PPARGC1A: variants seen among roughly 807,000 people sequenced by gnomAD.
PPARGC1A encodes the protein PPARG coactivator 1 alpha.
In PPARGC1A, 25 loss-of-function variants were observed where a neutral mutation model predicts 88.7. That is an observed-to-expected ratio of 0.28 (90% CI 0.21 to 0.39). The LOEUF is 0.39. Ranked by LOEUF, PPARGC1A falls within the 10% of genes least tolerant of loss-of-function variation. The pLI is 1.00. For missense variants in PPARGC1A, 880 were observed against 968.7 expected (o/e 0.91, Z 1.22); for synonymous variants, 363 against 355.6 (o/e 1.02, Z -0.24).
At chr4:24,087,146 A>C in the PPARGC1A span, among the ~76,000 whole-genome samples, 4 of 152,186 alleles carry the variant, frequency 2.6e-5, no homozygotes, top group Admixed American at 1.3e-4. Flanking sequence ...AGTCCAGGGG[A>C]AAAAAGGTAG....
the PPARGC1A span, among the ~76,000 whole-genome samples, chr4:24,091,039 T>C: frequency 6.6e-6 from 1 of 152,204 alleles, no homozygotes; most frequent in Admixed American, 6.5e-5. Flanking sequence ...GGTCACCTCA[T>C]TAAAAATAGG....
chr4:24,072,912 A>G, the PPARGC1A span, among the ~76,000 whole-genome samples: 4 of 152,234 alleles, frequency 2.6e-5, no homozygotes, highest in Non-Finnish European at 5.9e-5. Flanking sequence ...TTAGTTGGTA[A>G]TACAATTACT....
chr4:23,815,228 A>G (rs544477161), intron 7 of PPARGC1A, among the ~76,000 whole-genome samples: 10 of 152,224 alleles, frequency 6.6e-5, no homozygotes, highest in East Asian at 3.9e-4. Context: ...AGCCGAATGC[A>G]GGGACCTAGA....
chr4:24,195,223 C>T, the PPARGC1A span, among the ~76,000 whole-genome samples: 1 of 152,132 alleles, frequency 6.6e-6, no homozygotes, highest in African/African-American at 2.4e-5. Context: ...CTCTCTAAGG[C>T]TTAGCTTTCT....
the PPARGC1A span, among the ~76,000 whole-genome samples, chr4:23,958,691 A>G: frequency 2.0e-5 from 3 of 152,080 alleles, no homozygotes; most frequent in Non-Finnish European, 4.4e-5. Context: ...ATCTAATGTA[A>G]AATATTTATA....
At chr4:24,446,203 T>C in the PPARGC1A span, among the ~76,000 whole-genome samples, 308 of 152,378 alleles carry the variant, frequency 2.0e-3, 4 homozygotes, top group East Asian at 0.037. Context: ...GAAGGACGGT[T>C]GAATTTCCCC....
At chr4:23,941,883 C>G in the PPARGC1A span, among the ~76,000 whole-genome samples, 2 of 152,148 alleles carry the variant, frequency 1.3e-5, no homozygotes, top group East Asian at 3.8e-4. Flanking sequence ...CATTCCTTTT[C>G]CTGCTTACCT....
the PPARGC1A span, among the ~76,000 whole-genome samples, chr4:24,045,952 T>C: frequency 6.6e-6 from 1 of 152,176 alleles, no homozygotes; most frequent in African/African-American, 2.4e-5. Flanking sequence ...TTGTTTCTGG[T>C]GATGATGGCC....
the PPARGC1A span, among the ~76,000 whole-genome samples, chr4:24,018,683 A>G: frequency 3.9e-5 from 6 of 152,082 alleles, no homozygotes; most frequent in African/African-American, 7.2e-5. Flanking sequence ...TCTCTTGCTT[A>G]TGTTTTCTGA....
At chr4:24,424,567 G>C in the PPARGC1A span, among the ~76,000 whole-genome samples, 4 of 152,028 alleles carry the variant, frequency 2.6e-5, no homozygotes, top group South Asian at 2.1e-4. Flanking sequence ...GAGCCACCGC[G>C]CCCAGCCGCT....
At chr4:23,967,473 C>G in the PPARGC1A span, among the ~76,000 whole-genome samples, 3 of 152,068 alleles carry the variant, frequency 2.0e-5, no homozygotes, top group Non-Finnish European at 4.4e-5. Flanking sequence ...AACAGCAGCT[C>G]CAGTGCTGAT....
At chr4:23,800,409 T>C (rs147848809) in intron 12 of PPARGC1A, among the ~76,000 whole-genome samples, 354 of 152,122 alleles carry the variant, frequency 2.3e-3, no homozygotes, top group Non-Finnish European at 4.3e-3. Flanking sequence ...TTTAGCATTA[T>C]TTATAATATT....
At chr4:23,873,878 A>C (rs1425588954) in intron 2 of PPARGC1A, among the ~76,000 whole-genome samples, 1 of 152,198 alleles carries the variant, frequency 6.6e-6, no homozygotes. Flanking sequence ...TACTAGCTGA[A>C]AATGATACCG....
At chr4:23,900,035 G>A (rs1031983242), upstream of PPARGC1A, among the ~76,000 whole-genome samples, 1 of 151,210 alleles carries the variant, frequency 6.6e-6, no homozygotes, top group Admixed American at 6.6e-5. Context: ...AATTCCAAAT[G>A]TCCAACTTAC....
At chr4:23,977,514 T>A in the PPARGC1A span, among the ~76,000 whole-genome samples, 4 of 152,132 alleles carry the variant, frequency 2.6e-5, no homozygotes, top group Non-Finnish European at 5.9e-5. Context: ...AGGGCTACAA[T>A]GAGAGAAAAA....
the PPARGC1A span, among the ~76,000 whole-genome samples, chr4:24,459,444 G>A: frequency 6.7e-6 from 1 of 148,468 alleles, no homozygotes; most frequent in African/African-American, 2.6e-5. Context: ...TGTTATGGAT[G>A]GTGTAAATAA....
chr4:24,412,908 A>G, the PPARGC1A span, among the ~76,000 whole-genome samples: 1 of 152,250 alleles, frequency 6.6e-6, no homozygotes, highest in Non-Finnish European at 1.5e-5. Flanking sequence ...TAAAATATTT[A>G]CTATCTGGCA....
At chr4:24,263,501 C>A in the PPARGC1A span, among the ~76,000 whole-genome samples, 1 of 150,788 alleles carries the variant, frequency 6.6e-6, no homozygotes, top group Non-Finnish European at 1.5e-5. Context: ...GACCCTTTAA[C>A]AGCACAGATT....
chr4:24,448,089 T>G, the PPARGC1A span, among the ~76,000 whole-genome samples: 5 of 152,236 alleles, frequency 3.3e-5, no homozygotes. Flanking sequence ...ACTAAACTTT[T>G]ATCACGCTAG....
Sources: allele counts gnomAD v4.1 joint callset (sites outside exome capture counted in the v4.1 genomes callset), GRCh38; gene constraint gnomAD v4.1.1; transcripts MANE v1.5; gene names NCBI Gene and HGNC (gene_info 2026-07-23, HGNC 2026-07-21).